Variants in ZNF740 observed in about 807,000 individuals in gnomAD.
The protein encoded by ZNF740 is oriLyt TD-element-binding protein 7.
ZNF740 carries 14 observed loss-of-function variants against 24.8 expected under a neutral mutation model. The observed-to-expected ratio is 0.56, with a 90% CI of 0.37 to 0.88. ZNF740 has a LOEUF of 0.88. ZNF740 is among the 40% of genes least tolerant of loss of function. The pLI is 0.00. For synonymous variants in ZNF740, 69 were observed against 84.0 expected, an observed-to-expected ratio of 0.82 and a Z score of 0.98; for missense variants, 201 against 247.9, an observed-to-expected ratio of 0.81 and a Z score of 1.27.
chr12:53,188,754 T>G lies in ZNF740; in HGVS notation c.*1164T>G, dbSNP rs933694501. 2 of 152,084 alleles carry G rather than the reference T, an allele frequency of 1.3e-5. No individual in the cohort carries two copies. Among genetic ancestry groups the G allele is most frequent in the African/African-American group, 4.8e-5 (2 of 41,384 alleles). 9.4% of individuals were successfully genotyped at this position (152,084 alleles called of 1,614,324 possible). A position where few individuals can be genotyped will look rare whatever the true frequency, so the allele number is the denominator to read the frequency against. On this transcript the variant is annotated 3_prime_UTR_variant, in exon 7 of 7. Transcript: ENST00000416904. Reference sequence around the variant, plus strand: ...ATGGCCATCCCTACCCAACAGAGTGTGGGGGATGGGGGTGGGGGTGCTGCA... The same window carrying G: ...ATGGCCATCCCTACCCAACAGAGTGGGGGGGATGGGGGTGGGGGTGCTGCA...
intron 2 of ZNF740, among the ~76,000 whole-genome samples, chr12:53,183,670 C>T (rs1366388984): frequency 2.0e-5 from 3 of 152,076 alleles, no homozygotes; most frequent in Non-Finnish European, 4.4e-5. Context: ...ATATAAATGG[C>T]CTAAGAGGTC....
At position 53,186,385 on chromosome 12, in the gene ZNF740, G is replaced by A. The variant is rs377196761; in HGVS notation, c.374-6G>A. ...CCACATTCACTTCTCTGTCCACCTG[G>A]GCCAGGTGAGAAGCCATTTGAATGC... On this transcript the variant is annotated splice_polypyrimidine_tract_variant and splice_region_variant and intron_variant, in intron 5 of 6. Coordinates refer to ENST00000416904, the MANE Select transcript of ZNF740 (RefSeq NM_001004304.4). 6.2e-5 allele frequency: 97 copies of A among 1,566,302 alleles called. No individual in the cohort carries two copies. The highest frequency in any genetic ancestry group is 8.2e-5 in the Non-Finnish European group (95 of 1,154,556).
chr12:53,192,966 T>C lies in ZNF740; in HGVS notation c.*5376T>C. The C allele has an allele frequency of 6.4e-7, 1 of 1,555,776 alleles. No individual in the cohort carries two copies. The highest frequency in any genetic ancestry group is 1.1e-5 in the South Asian group (1 of 89,136). ...CATACTCCACACACACAGTTGGCCA[T>C]CATGTGGCACGACAAGCCCACGCAT... On this transcript the variant is annotated 3_prime_UTR_variant, in exon 7 of 7. Coordinates refer to ENST00000416904, the MANE Select transcript of ZNF740 (RefSeq NM_001004304.4).
chr12:53,184,572 A>ACT (rs1941786559), intron 2 of ZNF740, among the ~76,000 whole-genome samples: 1 of 152,074 alleles, frequency 6.6e-6, no homozygotes, highest in Admixed American at 6.5e-5. Flanking sequence ...CCTCATACCC[A>ACT]CTCACAGTTA....
chr12:53,184,917 A>G lies in ZNF740; in HGVS notation c.36A>G (p.Leu12=), dbSNP rs756060778. 8 of 1,613,732 alleles carry G rather than the reference A, an allele frequency of 5.0e-6. No individual in the cohort carries two copies. Among genetic ancestry groups the G allele is most frequent in the South Asian group, 1.1e-5 (1 of 91,016 alleles). Residue 12 remains leucine (L), a synonymous_variant, in exon 3 of 7, where the codon CTA becomes CTG. Transcript: ENST00000416904. The stretch of plus-strand genomic sequence containing the variant: ...CAAGTCTCCTGGCTTGTGAAGGCCT[A>G]GCAGGTGTGAGTTTGGTTCCCACTG... ...AQASLLACEG[L]AGVSLVPTAA...
chr12:53,193,317 C>T lies in ZNF740; in HGVS notation c.*5727C>T, dbSNP rs1942035448. ...GATTCCAGGTCTGGGGAGGACAGCT[C>T]TGCCACAGAGCACTCACAGAGCCGA... On this transcript the variant is annotated 3_prime_UTR_variant, in exon 7 of 7. Transcript: ENST00000416904. 1 of 1,608,370 alleles carries T rather than the reference C, an allele frequency of 6.2e-7. No individual in the cohort carries two copies. The highest frequency in any genetic ancestry group is 8.5e-7 in the Non-Finnish European group (1 of 1,175,884).
Position 53,189,567 on chromosome 12 carries a change from T to C in ZNF740, c.*1977T>C, listed in dbSNP as rs1941888533. The stretch of plus-strand genomic sequence containing the variant: ...TCCCTGACAGCATCTGAGATCCTTT[T>C]GGGGAGACGCTGAGGAGTGTTTGCT... On this transcript the variant is annotated 3_prime_UTR_variant, in exon 7 of 7. Coordinates refer to ENST00000416904, the MANE Select transcript of ZNF740 (RefSeq NM_001004304.4). 6.6e-6 allele frequency: 1 copy of C among 152,138 alleles called. No homozygotes were observed. Among genetic ancestry groups the C allele is most frequent in the Non-Finnish European group, 1.5e-5 (1 of 68,044 alleles). The allele number at this position is 152,138 out of a possible 1,614,324, so 9.4% of individuals were successfully genotyped here. A position where few individuals can be genotyped will look rare whatever the true frequency, so the allele number is the denominator to read the frequency against.
At chr12:53,185,867 A>G in intron 4 of ZNF740, 87 bp from the exon 5 acceptor site, 1 of 1,530,804 alleles carries the variant, frequency 6.5e-7, no homozygotes, top group Non-Finnish European at 8.8e-7. Flanking sequence ...TCCTTTCTCC[A>G]ACAGCTGGAA....
intron 2 of ZNF740, 57 bp from the exon 3 acceptor site, chr12:53,184,834 G>A (rs1206872812): frequency 6.4e-6 from 10 of 1,568,824 alleles, no homozygotes; most frequent in Non-Finnish European, 7.8e-6. Context: ...GAGGATGGCA[G>A]TCTGTTTTTG....
intron 1 of ZNF740, 83 bp downstream of exon 1, chr12:53,180,920 G>T: frequency 9.1e-7 from 1 of 1,094,966 alleles, no homozygotes; most frequent in South Asian, 1.9e-5. Context: ...GGTGCCGCGC[G>T]GGAAGGGGGA....
At chr12:53,183,386 C>T (rs991600874) in intron 2 of ZNF740, among the ~76,000 whole-genome samples, 2 of 152,194 alleles carry the variant, frequency 1.3e-5, no homozygotes, top group Non-Finnish European at 2.9e-5. Context: ...GGATCTTTCA[C>T]TCCAAAGTCC....
chr12:53,184,157 G>A (rs1479268695), intron 2 of ZNF740, among the ~76,000 whole-genome samples: 17 of 137,684 alleles, frequency 1.2e-4, no homozygotes, highest in South Asian at 2.2e-4. Flanking sequence ...GTGTGCGCGC[G>A]CGCGCTCTGA....
Position 53,191,798 on chromosome 12 carries a change from C to G in ZNF740, c.*4208C>G. ...GCTGGGGGAACCCAGTGGGAGGAAT[C>G]AGGGCTGGTCTTGTGGTGGGGGAAC... On this transcript the variant is annotated 3_prime_UTR_variant, in exon 7 of 7. Transcript: ENST00000416904. The G allele has an allele frequency of 6.2e-7, 1 of 1,603,650 alleles. No individual in the cohort carries two copies. Among genetic ancestry groups the G allele is most frequent in the Non-Finnish European group, 8.5e-7 (1 of 1,171,464 alleles).
Position 53,193,797 on chromosome 12 carries a change from G to C in ZNF740, c.*6207G>C, listed in dbSNP as rs1341677539. On this transcript the variant is annotated 3_prime_UTR_variant, in exon 7 of 7. Coordinates refer to ENST00000416904, the MANE Select transcript of ZNF740 (RefSeq NM_001004304.4). The stretch of plus-strand genomic sequence containing the variant: ...CACTGCAATTACAGTCACACAGCGT[G>C]TGCAACTCCACAATCAGCTCCTCTG... 1 of 1,614,124 alleles carries C rather than the reference G, an allele frequency of 6.2e-7. No individual in the cohort carries two copies. Among genetic ancestry groups the C allele is most frequent in the Non-Finnish European group, 8.5e-7 (1 of 1,180,006 alleles).
rs377728464 is a variant in ZNF740 at position 53,184,968 on chromosome 12, C to A, written c.87C>A (p.Ser29Arg). The change falls in exon 3 of 7, where the codon AGC becomes AGA. Residue 29 changes from serine (S) to arginine (R), a missense_variant. Around this residue, in one of 3 missense-constraint regions of ZNF740, gnomAD observed 117 missense variants for 122.3 expected, o/e 0.96. Transcript: ENST00000416904. ...PTAASKKMML[S>R]QIASKQAENG... ...CAGCCAGCAAGAAGATGATGCTGAGCCAGATTGCCAGCAAGCAGGCCGAGA... is the reference window on the plus strand; with the variant it reads ...CAGCCAGCAAGAAGATGATGCTGAGACAGATTGCCAGCAAGCAGGCCGAGA... 6.2e-7 allele frequency: 1 copy of A among 1,613,888 alleles called. No homozygotes were observed. The highest frequency in any genetic ancestry group is 8.5e-7 in the Non-Finnish European group (1 of 1,179,902).
chr12:53,181,692 C>T lies in ZNF740; in HGVS notation c.-292C>T, dbSNP rs1592381497. ...CTGGTTTCAGGTTTCTGAAACAGAT[C>T]GTGAGCTTCATCAAGAGAATTCAAC... On this transcript the variant is annotated 5_prime_UTR_variant, in exon 2 of 7. Transcript: ENST00000416904. The T allele has an allele frequency of 1.1e-5, 5 of 446,948 alleles. 1 individual carries two copies. The Admixed American group carries it at 1.8e-4, about 16-fold the overall frequency. 27.7% of individuals were successfully genotyped at this position (446,948 alleles called of 1,614,324 possible).
chr12:53,185,809 C>G, intron 4 of ZNF740, 145 bp from the exon 5 acceptor site: 1 of 1,147,782 alleles, frequency 8.7e-7, no homozygotes. Context: ...TCTCTTACCT[C>G]CATGGAGTAC....
Position 53,188,834 on chromosome 12 carries a change from T to C in ZNF740, c.*1244T>C, listed in dbSNP as rs907199111. ...AGGTTCCATTCTTAACCATATTCTTTGCTCCTCTCTGCTCCAATACCACCA... is the reference window on the plus strand; with the variant it reads ...AGGTTCCATTCTTAACCATATTCTTCGCTCCTCTCTGCTCCAATACCACCA... On this transcript the variant is annotated 3_prime_UTR_variant, in exon 7 of 7. Transcript: ENST00000416904. 6.6e-6 allele frequency: 1 copy of C among 152,164 alleles called. No individual in the cohort carries two copies. The highest frequency in any genetic ancestry group is 1.5e-5 in the Non-Finnish European group (1 of 68,034). The allele number at this position is 152,164 out of a possible 1,614,324, so 9.4% of individuals were successfully genotyped here. A position where few individuals can be genotyped will look rare whatever the true frequency, so the allele number is the denominator to read the frequency against.
rs1270373536 is a variant in ZNF740 at position 53,191,308 on chromosome 12, A to C, written c.*3718A>C. ...GCTTTGGCCTTGATGAGGTAAAGCA[A>C]AGTGACAGCTGTGGTCTGAGGTAAG... On this transcript the variant is annotated 3_prime_UTR_variant, in exon 7 of 7. Transcript: ENST00000416904. 2 of 517,336 alleles carry C rather than the reference A, an allele frequency of 3.9e-6. No individual in the cohort carries two copies. Among genetic ancestry groups the C allele is most frequent in the African/African-American group, 3.9e-5 (2 of 51,932 alleles). The allele number at this position is 517,336 out of a possible 1,614,324, so 32.0% of individuals were successfully genotyped here. A position where few individuals can be genotyped will look rare whatever the true frequency, so the allele number is the denominator to read the frequency against.
Sources: gnomAD v4.1 joint callset for allele counts (sites outside exome capture counted in the v4.1 genomes callset) on GRCh38, gnomAD v4.1.1 for gene constraint, gnomAD v4.1.1 regional missense constraint, MANE v1.5 for transcripts, NCBI Gene and HGNC (gene_info 2026-07-23, HGNC 2026-07-21) for gene names.